The following NRCAM variants were observed in gnomAD, a reference collection of about 807,000 sequenced individuals.
The protein encoded by NRCAM is neuronal cell adhesion molecule, also known as NgCAM-related cell adhesion molecule.
A neutral mutation model predicts 156.5 loss-of-function variants in NRCAM; 83 were observed. The ratio of observed to expected loss-of-function variants is 0.53; its 90% CI spans 0.44 to 0.64. The LOEUF (loss-of-function observed/expected upper bound fraction) is 0.64, where lower values mean the gene tolerates loss of function less well. NRCAM is among the 30% of genes least tolerant of loss of function. NRCAM has a pLI of 0.00. For missense variants in NRCAM, 1,417 were observed against 1,597.3 expected (o/e 0.89, Z 1.92); for synonymous variants, 538 against 563.9 (o/e 0.95, Z 0.65).
chr7:108,255,734 G>T (rs1031717661), intron 3 of NRCAM, among the ~76,000 whole-genome samples: 1 of 151,602 alleles, frequency 6.6e-6, no homozygotes, highest in Non-Finnish European at 1.5e-5. Flanking sequence ...GCCTCTGCCC[G>T]GCCACGACCC....
At chr7:108,271,253 C>T (rs886214985) in intron 3 of NRCAM, among the ~76,000 whole-genome samples, 9 of 152,128 alleles carry the variant, frequency 5.9e-5, no homozygotes, top group Non-Finnish European at 1.2e-4. Flanking sequence ...ATTTACATCT[C>T]CACACTTCCA....
At chr7:108,310,604 T>C (rs1488635172) in intron 3 of NRCAM, among the ~76,000 whole-genome samples, 1 of 152,164 alleles carries the variant, frequency 6.6e-6, no homozygotes, top group Non-Finnish European at 1.5e-5. Context: ...TCTAAGTAGC[T>C]ACGAAAAAAA....
Position 108,336,452 on chromosome 7 carries a change from G to T in NRCAM, c.-173-23721C>A, listed in dbSNP as rs112867401. ...TAGGAATTAACAACTAAAACGACTTGCCTTTCAAACAACATTATGAATTTT... is the reference window on the plus strand; with the variant it reads ...TAGGAATTAACAACTAAAACGACTTTCCTTTCAAACAACATTATGAATTTT... On this transcript the variant is annotated intron_variant, in intron 2 of 32. Transcript: ENST00000379028. 4.6e-5 allele frequency among the ~76,000 whole-genome samples: 7 copies of T among 152,312 alleles called. No homozygotes were observed. The East Asian group carries it at 1.3e-3, about 29-fold the overall frequency.
intron 28 of NRCAM, among the ~76,000 whole-genome samples, chr7:108,174,156 C>T (rs116462741): frequency 0.014 from 2,149 of 152,258 alleles, 44 homozygotes; most frequent in African/African-American, 0.044. Flanking sequence ...AAGTTTACAT[C>T]GCTCTGTGAT....
At chr7:108,454,791 T>A (rs1389662206) in intron 1 of NRCAM, among the ~76,000 whole-genome samples, 1 of 152,142 alleles carries the variant, frequency 6.6e-6, no homozygotes, top group Non-Finnish European at 1.5e-5. Context: ...CATCTCCTCC[T>A]GCAAAAGCCT....
chr7:108,396,210 A>T (rs1034800094), intron 2 of NRCAM, among the ~76,000 whole-genome samples: 1 of 152,202 alleles, frequency 6.6e-6, no homozygotes, highest in Non-Finnish European at 1.5e-5. Context: ...AAAGATTGAA[A>T]CAGGGAGAAA....
At chr7:108,418,599 A>ACG (rs1491562986) in intron 1 of NRCAM, among the ~76,000 whole-genome samples, 4 of 143,126 alleles carry the variant, frequency 2.8e-5, no homozygotes, top group Non-Finnish European at 3.1e-5. Flanking sequence ...ACACACACAC[A>ACG]CGCACTGAAA....
At chr7:108,322,155 T>G (rs1182368971) in intron 2 of NRCAM, among the ~76,000 whole-genome samples, 1 of 127,540 alleles carries the variant, frequency 7.8e-6, no homozygotes, top group South Asian at 2.8e-4. Flanking sequence ...AGACATTTCG[T>G]TTTTTTTCAA....
intron 2 of NRCAM, among the ~76,000 whole-genome samples, chr7:108,343,554 C>A (rs145537499): frequency 6.6e-6 from 1 of 152,190 alleles, no homozygotes; most frequent in African/African-American, 2.4e-5. Context: ...GTAATCCCCT[C>A]TGGGAAACCA....
chr7:108,443,895 C>G (rs13222325), intron 1 of NRCAM, among the ~76,000 whole-genome samples: 90,160 of 148,194 alleles, frequency 0.61, 27,150 homozygotes, highest in African/African-American at 0.72. Flanking sequence ...TAGATAGATA[C>G]ATACATACAT....
chr7:108,295,647 T>C (rs534199083), intron 3 of NRCAM, among the ~76,000 whole-genome samples: 2 of 152,342 alleles, frequency 1.3e-5, no homozygotes, highest in East Asian at 1.9e-4. Flanking sequence ...CATATGAATT[T>C]TGGGGGGACA....
chr7:108,422,540 C>G (rs1443397516), intron 1 of NRCAM, among the ~76,000 whole-genome samples: 2 of 152,112 alleles, frequency 1.3e-5, no homozygotes, highest in African/African-American at 2.4e-5. Flanking sequence ...AAATACATCA[C>G]CCAACTTTGA....
intron 2 of NRCAM, among the ~76,000 whole-genome samples, chr7:108,360,344 T>C (rs1398938681): frequency 6.6e-5 from 10 of 152,106 alleles, no homozygotes; most frequent in Admixed American, 6.6e-4. Context: ...AATTAACTGC[T>C]GAAAATTAAC....
intron 2 of NRCAM, among the ~76,000 whole-genome samples, chr7:108,378,008 C>T (rs538001112): frequency 1.3e-5 from 2 of 152,198 alleles, no homozygotes; most frequent in South Asian, 2.1e-4. Flanking sequence ...AAATCTTCTA[C>T]AAAGATATGC....
At chr7:108,331,623 C>T (rs568649213) in intron 2 of NRCAM, among the ~76,000 whole-genome samples, 37 of 152,190 alleles carry the variant, frequency 2.4e-4, no homozygotes, top group African/African-American at 8.7e-4. Flanking sequence ...ACCTCAGTGC[C>T]TGGCACATAG....
intron 3 of NRCAM, among the ~76,000 whole-genome samples, chr7:108,299,122 GA>G (rs1196699344): frequency 1.1e-4 from 4 of 35,420 alleles, no homozygotes; most frequent in African/African-American, 3.8e-4. Flanking sequence ...AAAAAAGAAA[GA>G]AAGAAAGAAA....
At position 108,376,759 on chromosome 7, in the gene NRCAM, C is replaced by T. The variant is rs75344202; in HGVS notation, c.-174+22677G>A. On this transcript the variant is annotated intron_variant, in intron 2 of 32. Transcript: ENST00000379028. Reference sequence around the variant, plus strand: ...ATTTCTTTCTGCAATCTGCCTTAAACGCAAGCAAAAGTCAGTCATTACATA... The same window carrying T: ...ATTTCTTTCTGCAATCTGCCTTAAATGCAAGCAAAAGTCAGTCATTACATA... Among the ~76,000 whole-genome samples, 283 of 152,262 alleles carry T rather than the reference C, an allele frequency of 1.9e-3. 6 individuals carry two copies. The East Asian group carries it at 0.044, about 24-fold the overall frequency.
chr7:108,368,224 A>G (rs868248224), intron 2 of NRCAM, among the ~76,000 whole-genome samples: 3 of 91,092 alleles, frequency 3.3e-5, no homozygotes, highest in Non-Finnish European at 4.4e-5. Context: ...ACACTTTCAT[A>G]CCCCCCCCCA....
chr7:108,161,157 C>T (rs996581845), intron 30 of NRCAM, among the ~76,000 whole-genome samples: 3 of 152,190 alleles, frequency 2.0e-5, no homozygotes, highest in Admixed American at 6.5e-5. Context: ...AATCCACCCT[C>T]AAAGAATCAA....
Sources: gnomAD v4.1 joint callset for allele counts (sites outside exome capture counted in the v4.1 genomes callset) on GRCh38, gnomAD v4.1.1 for gene constraint, MANE v1.5 for transcripts, NCBI Gene and HGNC (gene_info 2026-07-23, HGNC 2026-07-21) for gene names.